The following RMND1 variants were observed in gnomAD, a reference collection of about 807,000 sequenced individuals.
RMND1 encodes the protein required for meiotic nuclear division 1 homolog, also known as required for meiotic nuclear division protein 1 homolog.
In RMND1, 41 loss-of-function variants were observed where a neutral mutation model predicts 54.0. The observed-to-expected ratio is 0.76, with a 90% CI of 0.59 to 0.98. The LOEUF (loss-of-function observed/expected upper bound fraction) is 0.98. Among genes scored for constraint, RMND1 ranks in the 50% least tolerant of loss-of-function variants. RMND1 has a pLI of 0.00. For synonymous variants in RMND1, 183 were observed against 181.7 expected (o/e 1.01, Z -0.06); for missense variants, 457 against 532.0 (o/e 0.86, Z 1.39).
chr6:151,431,454 T>A (rs1423951568), intron 4 of RMND1, among the ~76,000 whole-genome samples: 1 of 152,072 alleles, frequency 6.6e-6, no homozygotes, highest in Non-Finnish European at 1.5e-5. Context: ...GACAATAAGC[T>A]GTTACAATAG....
intron 10 of RMND1, among the ~76,000 whole-genome samples, chr6:151,407,469 C>T (rs1275405027): frequency 1.3e-5 from 2 of 152,134 alleles, no homozygotes; most frequent in Admixed American, 6.5e-5. Flanking sequence ...CATTTTCTTC[C>T]TCCACTACCT....
At chr6:151,408,492 T>A (rs188548312) in intron 10 of RMND1, among the ~76,000 whole-genome samples, 41 of 152,172 alleles carry the variant, frequency 2.7e-4, no homozygotes, top group Admixed American at 2.4e-3. Context: ...AGTACCAGAT[T>A]GTGAGAGGTA....
At chr6:151,448,106 G>A (rs944446305) in intron 1 of RMND1, among the ~76,000 whole-genome samples, 5 of 151,926 alleles carry the variant, frequency 3.3e-5, no homozygotes, top group African/African-American at 9.7e-5. Flanking sequence ...GTGAGCCACC[G>A]GACCCAGCCC....
At chr6:151,414,949 G>T (rs9397405) in intron 10 of RMND1, among the ~76,000 whole-genome samples, 82,712 of 151,820 alleles carry the variant, frequency 0.54, 25,135 homozygotes, top group African/African-American at 0.82. Context: ...AAAATATCCT[G>T]CAAGAATGAA....
chr6:151,410,521 C>T, intron 10 of RMND1, among the ~76,000 whole-genome samples: 1 of 152,120 alleles, frequency 6.6e-6, no homozygotes. Context: ...GTCTGAACTG[C>T]CTTCGGGATG....
At chr6:151,421,916 A>C (rs926796528) in intron 8 of RMND1, among the ~76,000 whole-genome samples, 1 of 152,056 alleles carries the variant, frequency 6.6e-6, no homozygotes, top group Non-Finnish European at 1.5e-5. Context: ...GGAGTTCAAG[A>C]CCAGCCTGGG....
At chr6:151,429,741 AATCTTGATTTGG>A (rs1408737318) in intron 5 of RMND1, among the ~76,000 whole-genome samples, 1 of 152,208 alleles carries the variant, frequency 6.6e-6, no homozygotes, top group Non-Finnish European at 1.5e-5. Flanking sequence ...GTATTAAACA[AATCTTGATTTGG>A]ATCTTGAAAA....
intron 1 of RMND1, among the ~76,000 whole-genome samples, chr6:151,450,545 C>T (rs1447916574): frequency 3.4e-5 from 5 of 147,560 alleles, no homozygotes; most frequent in African/African-American, 1.2e-4. Flanking sequence ...GTCAGCCCCC[C>T]GCCCGGCCAG....
intron 10 of RMND1, among the ~76,000 whole-genome samples, chr6:151,406,654 T>G (rs777210113): frequency 1.3e-5 from 2 of 152,108 alleles, no homozygotes; most frequent in Non-Finnish European, 2.9e-5. Context: ...CAGGCCTGGA[T>G]GTGATAACTG....
intron 2 of RMND1, among the ~76,000 whole-genome samples, chr6:151,439,598 A>G (rs1335495490): frequency 2.0e-5 from 3 of 152,210 alleles, no homozygotes; most frequent in African/African-American, 7.2e-5. Flanking sequence ...ACAGCTTGGC[A>G]TTAGAGTACA....
rs1293016187 is a variant in RMND1 at position 151,436,469 on chromosome 6, A to G, written c.590T>C (p.Val197Ala). Residue 197 changes from valine to alanine, a missense_variant, in exon 3 of 12, where the codon GTT becomes GCT. By Grantham distance (64) the Val-to-Ala change is moderately conservative. Transcript: ENST00000444024. ...ACCTCTAGGCAAGCTTGTTACTTCA[A>G]CATATCCGTGGGAGGCCAGATCTTG... is the stretch of plus-strand genomic sequence containing the variant. The part of the protein sequence containing the change: ...LSQDLASHGY[V>A]EVTSLPRDAA... The G allele has an allele frequency of 1.2e-6, 2 of 1,614,022 alleles. No homozygotes were observed. Among genetic ancestry groups the G allele is most frequent in the Non-Finnish European group, 1.7e-6 (2 of 1,179,882 alleles).
Position 151,427,540 on chromosome 6 carries a change from G to A in RMND1, c.772C>T (p.Pro258Ser). The A allele has an allele frequency of 1.2e-6, 2 of 1,612,396 alleles. No homozygotes were observed. The highest frequency in any genetic ancestry group is 1.7e-6 in the Non-Finnish European group (2 of 1,178,784). Residue 258 changes from proline (P) to serine (S), a missense_variant, in exon 6 of 12, where the codon CCC becomes TCC. By Grantham distance (74) the Pro-to-Ser change is moderately conservative. Transcript: ENST00000444024. ...CAGTGTACCAGTGCGATTTCATAGG[G>A]CTGAATTTCATGTTTTTCTAGAACT... ...MKVLEKHEIQPYEIALVHWEN... is the reference protein window; with the variant it reads ...MKVLEKHEIQSYEIALVHWEN...
chr6:151,436,292 T>C, intron 3 of RMND1, 154 bp downstream of exon 3: 12 of 751,022 alleles, frequency 1.6e-5, no homozygotes, highest in Non-Finnish European at 2.5e-5. Context: ...ATTCTTAACT[T>C]TGTCATCTTT....
intron 2 of RMND1, chr6:151,444,733 T>C (rs1780900850): frequency 1.3e-5 from 2 of 152,382 alleles, no homozygotes; most frequent in Non-Finnish European, 2.9e-5. Flanking sequence ...ACCCTTAAGT[T>C]GTTACTGAAG....
chr6:151,405,413 G>GT lies in RMND1; in HGVS notation c.1318-147dup, dbSNP rs1779578427. On this transcript the variant is annotated intron_variant, in intron 11 of 11. Coordinates refer to ENST00000444024, the MANE Select transcript of RMND1 (RefSeq NM_017909.4). ...TCACGTGGCAACCTATGAATTGGAG[G>GT]TACGGGTGCTTGATTTGATGTTGAG... 6 of 711,468 alleles carry GT rather than the reference G, an allele frequency of 8.4e-6. No homozygotes were observed. The Admixed American group carries it at 1.6e-4, about 19-fold the overall frequency. 44.1% of individuals were successfully genotyped at this position (711,468 alleles called of 1,614,324 possible).
intron 3 of RMND1, among the ~76,000 whole-genome samples, chr6:151,435,955 A>C (rs1463380203): frequency 6.6e-6 from 1 of 151,742 alleles, no homozygotes; most frequent in African/African-American, 2.4e-5. Flanking sequence ...AAATACAAAA[A>C]TTAGCCAGGT....
chr6:151,450,797 G>A (rs1011096555), intron 1 of RMND1, among the ~76,000 whole-genome samples: 4 of 152,132 alleles, frequency 2.6e-5, no homozygotes, highest in African/African-American at 4.8e-5. Context: ...AAATCGGATG[G>A]TTGCCGTGTC....
intron 6 of RMND1, among the ~76,000 whole-genome samples, chr6:151,424,387 C>T (rs6557139): frequency 0.29 from 43,654 of 150,708 alleles, 6,405 homozygotes; most frequent in East Asian, 0.37. Flanking sequence ...GGAGTGAACC[C>T]GGGAGGCGGA....
chr6:151,420,104 A>T lies in RMND1; in HGVS notation c.1079+1141T>A, dbSNP rs1440073146. The stretch of plus-strand genomic sequence containing the variant: ...ATAGTAAAAGTAAGCCTTTATAGAA[A>T]CTATTCACAAACCTACGTATATTTA... On this transcript the variant is annotated intron_variant, in intron 9 of 11. Transcript: ENST00000444024. Among the ~76,000 whole-genome samples the T allele has an allele frequency of 3.9e-5, 6 of 152,194 alleles. No homozygotes were observed. In the South Asian group the frequency reaches 6.2e-4, roughly 16 times the overall value.
Sources: gnomAD v4.1 joint callset for allele counts (sites outside exome capture counted in the v4.1 genomes callset) on GRCh38, gnomAD v4.1.1 for gene constraint, MANE v1.5 for transcripts, NCBI Gene and HGNC (gene_info 2026-07-23, HGNC 2026-07-21) for gene names.